Variants in CACNA2D3 observed in about 807,000 individuals in gnomAD.
The protein encoded by CACNA2D3 is calcium voltage-gated channel auxiliary subunit alpha2delta 3.
CACNA2D3 carries 60 observed loss-of-function variants against 160.6 expected under a neutral mutation model. The observed-to-expected ratio is 0.37, with a 90% CI of 0.30 to 0.46. The LOEUF (loss-of-function observed/expected upper bound fraction) is 0.46. Among genes scored for constraint, CACNA2D3 ranks in the 20% least tolerant of loss-of-function variants. CACNA2D3 has a pLI of 1.00. For synonymous variants in CACNA2D3, 558 were observed against 492.9 expected (o/e 1.13, Z -1.75); for missense variants, 1,205 against 1,365.0 (o/e 0.88, Z 1.85).
intron 4 of CACNA2D3, among the ~76,000 whole-genome samples, chr3:54,461,958 G>C (rs542067952): frequency 1.6e-4 from 24 of 152,316 alleles, no homozygotes; most frequent in African/African-American, 5.3e-4. Context: ...ATGCGTCCCA[G>C]AGATTCTGGT....
At chr3:54,816,789 C>G in intron 13 of CACNA2D3, 64 bp from the exon 14 acceptor site, 1 of 1,570,286 alleles carries the variant, frequency 6.4e-7, no homozygotes, top group Non-Finnish European at 8.6e-7. Flanking sequence ...GAAGCTTTAC[C>G]ATTAATTACT....
intron 2 of CACNA2D3, among the ~76,000 whole-genome samples, chr3:54,149,122 A>C (rs1700093828): frequency 6.6e-6 from 1 of 151,964 alleles, no homozygotes; most frequent in African/African-American, 2.4e-5. Context: ...TGCACTGGGG[A>C]GATGTTCTGG....
chr3:54,470,011 G>T (rs1400492122), intron 4 of CACNA2D3, among the ~76,000 whole-genome samples: 1 of 152,158 alleles, frequency 6.6e-6, no homozygotes, highest in African/African-American at 2.4e-5. Flanking sequence ...CACTCTTCAG[G>T]ATATTATGCC....
intron 13 of CACNA2D3, among the ~76,000 whole-genome samples, chr3:54,800,379 C>A (rs994684916): frequency 1.3e-5 from 2 of 152,242 alleles, no homozygotes; most frequent in East Asian, 3.8e-4. Flanking sequence ...TCACAGAGAA[C>A]TGGCAGAACC....
chr3:54,811,508 T>A (rs867937511), intron 13 of CACNA2D3, among the ~76,000 whole-genome samples: 2,118 of 67,722 alleles, frequency 0.031, 176 homozygotes, highest in African/African-American at 0.093. Flanking sequence ...TTTTTTTTTT[T>A]TTTTTTTGAG....
chr3:54,809,086 A>G (rs1038732789), intron 13 of CACNA2D3, among the ~76,000 whole-genome samples: 8 of 152,132 alleles, frequency 5.3e-5, no homozygotes, highest in Middle Eastern at 3.4e-3. Flanking sequence ...GAGACGCTAT[A>G]TTGTTGTCCA....
chr3:54,320,451 G>T lies in CACNA2D3; in HGVS notation c.214G>T (p.Glu72Ter), dbSNP rs1553621470. 1 of 1,530,002 alleles carries T rather than the reference G, an allele frequency of 6.5e-7. No homozygotes were observed. Among genetic ancestry groups the T allele is most frequent in the South Asian group, 1.2e-5 (1 of 82,888 alleles). 94.8% of individuals were successfully genotyped at this position (1,530,002 alleles called of 1,614,324 possible). Residue 72 changes from glutamate to a stop codon, truncating the protein, a stop_gained, in exon 3 of 38, where the codon GAG (glutamate) becomes TAG (stop). Transcript: ENST00000474759. LOFTEE classifies it high-confidence loss of function. ...GSQLLQKKYKEYEKDVAIEEI... is the reference protein window; with the variant it reads ...GSQLLQKKYK ...CCCTCTCTTCTTACAGAAATACAAA[G>T]AGTATGAGAAAGACGTTGCCATAGA... is the stretch of plus-strand genomic sequence containing the variant.
intron 4 of CACNA2D3, among the ~76,000 whole-genome samples, chr3:54,479,767 G>C (rs1022303241): frequency 2.0e-5 from 3 of 152,108 alleles, no homozygotes; most frequent in Non-Finnish European, 2.9e-5. Flanking sequence ...CAAATATGTG[G>C]CCAAACACTT....
intron 2 of CACNA2D3, among the ~76,000 whole-genome samples, chr3:54,179,240 G>A (rs2067580): frequency 0.016 from 2,455 of 152,304 alleles, 51 homozygotes; most frequent in African/African-American, 0.044. Flanking sequence ...CTCAAAGTAG[G>A]AATGTGACCG....
At chr3:54,446,584 T>A (rs1297797526) in intron 4 of CACNA2D3, among the ~76,000 whole-genome samples, 9 of 152,170 alleles carry the variant, frequency 5.9e-5, no homozygotes, top group Admixed American at 5.9e-4. Flanking sequence ...TCATTTTTGC[T>A]TTTTTTGTGT....
At chr3:54,536,568 G>A (rs1575509345) in intron 5 of CACNA2D3, among the ~76,000 whole-genome samples, 1 of 152,180 alleles carries the variant, frequency 6.6e-6, no homozygotes, top group South Asian at 2.1e-4. Context: ...CAGGGTGACC[G>A]CATGTCCCCA....
chr3:54,250,102 T>C (rs1702158696), intron 2 of CACNA2D3, among the ~76,000 whole-genome samples: 1 of 152,218 alleles, frequency 6.6e-6, no homozygotes, highest in Non-Finnish European at 1.5e-5. Flanking sequence ...TTTAGTGTCA[T>C]TGCCGCAGTT....
chr3:54,787,518 C>G (rs533005791), intron 13 of CACNA2D3, among the ~76,000 whole-genome samples: 58 of 152,288 alleles, frequency 3.8e-4, no homozygotes, highest in African/African-American at 1.4e-3. Context: ...CTGACAAAAA[C>G]AGATTATTAG....
chr3:54,565,036 T>C (rs1702387155), intron 6 of CACNA2D3, among the ~76,000 whole-genome samples: 1 of 152,144 alleles, frequency 6.6e-6, no homozygotes, highest in South Asian at 2.1e-4. Context: ...CTGGCAGGAT[T>C]TCTCAGTGGG....
chr3:54,724,726 A>G (rs1701243746), intron 11 of CACNA2D3, among the ~76,000 whole-genome samples: 1 of 152,218 alleles, frequency 6.6e-6, no homozygotes, highest in Non-Finnish European at 1.5e-5. Flanking sequence ...AACCAATGAG[A>G]ATGAAGACAC....
intron 3 of CACNA2D3, among the ~76,000 whole-genome samples, chr3:54,367,206 T>C (rs7620823): frequency 0.49 from 74,448 of 151,988 alleles, 18,806 homozygotes; most frequent in Non-Finnish European, 0.55. Context: ...TTTTTTAAAC[T>C]ACAGGATTAA....
At chr3:54,556,371 G>A (rs904305022) in intron 5 of CACNA2D3, among the ~76,000 whole-genome samples, 4 of 152,136 alleles carry the variant, frequency 2.6e-5, no homozygotes, top group Non-Finnish European at 4.4e-5. Context: ...TGGAAATAAT[G>A]AGGCTACAAG....
At position 54,687,140 on chromosome 3, in the gene CACNA2D3, T is replaced by TTTG. The variant is rs1559549445; in HGVS notation, c.1167+44901_1167+44902insGTT. 2.3e-4 allele frequency among the ~76,000 whole-genome samples: 16 copies of TTTG among 69,682 alleles called. 1 individual carries two copies. The highest frequency in any genetic ancestry group is 3.7e-4 in the South Asian group (1 of 2,682). The allele number at this position is 69,682 out of a possible 152,430, so 45.7% of individuals were successfully genotyped here. Reference sequence around the variant, plus strand: ...CTTTTTCTTTTTTTTTTTTTGTTTTTTTTTTTTTTTGTTTTTTTGACACTG... The same window carrying TTTG: ...CTTTTTCTTTTTTTTTTTTTGTTTTTTTGTTTTTTTTTTGTTTTTTTGACACTG... On this transcript the variant is annotated intron_variant, in intron 11 of 37. Transcript: ENST00000474759.
chr3:54,504,424 T>C (rs76676294), intron 5 of CACNA2D3, among the ~76,000 whole-genome samples: 1 of 152,330 alleles, frequency 6.6e-6, no homozygotes, highest in African/African-American at 2.4e-5. Flanking sequence ...GTCTGAATTT[T>C]CTCATCTTAT....
Sources: allele counts gnomAD v4.1 joint callset (sites outside exome capture counted in the v4.1 genomes callset), GRCh38; gene constraint gnomAD v4.1.1; transcripts MANE v1.5; gene names NCBI Gene and HGNC (gene_info 2026-07-23, HGNC 2026-07-21).